Variants in PTP4A1 observed in about 807,000 individuals in gnomAD.
PTP4A1 encodes the protein protein tyrosine phosphatase 4A1, also known as protein tyrosine phosphatase type IVA 1.
In PTP4A1, 9 loss-of-function variants were observed where a neutral mutation model predicts 20.5. The ratio of observed to expected loss-of-function variants is 0.44; its 90% confidence interval spans 0.26 to 0.77. The LOEUF (loss-of-function observed/expected upper bound fraction) is 0.77, where lower values mean the gene tolerates loss of function less well. PTP4A1 is among the 30% of genes least tolerant of loss of function. PTP4A1 has a pLI of 0.19. For synonymous variants in PTP4A1, 78 were observed against 67.4 expected (o/e 1.16, Z -0.77); for missense variants, 137 against 218.8 (o/e 0.63, Z 2.36).
chr6:63,518,255 A>G (rs991753337), upstream of PTP4A1, among the ~76,000 whole-genome samples: 2 of 152,028 alleles, frequency 1.3e-5, no homozygotes, highest in African/African-American at 4.8e-5. Flanking sequence ...CTGCCAGAGC[A>G]CATCTTAGAT....
chr6:63,532,501 C>A (rs1021829979), intron 2 of PTP4A1, among the ~76,000 whole-genome samples: 3 of 152,076 alleles, frequency 2.0e-5, no homozygotes, highest in African/African-American at 4.8e-5. Context: ...GAAGCCTTTT[C>A]TATACCAAGG....
At chr6:63,564,718 T>C (rs1298403788) in intron 3 of PTP4A1, among the ~76,000 whole-genome samples, 1 of 152,238 alleles carries the variant, frequency 6.6e-6, no homozygotes, top group African/African-American at 2.4e-5. Context: ...CAGTTCAGAC[T>C]GTGGCATAAT....
At chr6:63,550,897 AT>A (rs1468652597) in intron 3 of PTP4A1, among the ~76,000 whole-genome samples, 3 of 152,110 alleles carry the variant, frequency 2.0e-5, no homozygotes, top group African/African-American at 7.2e-5. Flanking sequence ...AAGTGTTTGG[AT>A]TACATGGATG....
intron 2 of PTP4A1, among the ~76,000 whole-genome samples, chr6:63,545,623 GAAGA>G (rs1316022278): frequency 6.6e-6 from 1 of 151,704 alleles, no homozygotes; most frequent in Non-Finnish European, 1.5e-5. Context: ...AAAAAAAAAG[GAAGA>G]AAGAAAGAAA....
chr6:63,534,234 T>A (rs370617189), intron 2 of PTP4A1, among the ~76,000 whole-genome samples: 1 of 152,312 alleles, frequency 6.6e-6, no homozygotes, highest in Non-Finnish European at 1.5e-5. Flanking sequence ...AAAAAAGTTT[T>A]ACTTTGGACA....
At chr6:63,534,445 A>C (rs1775613602) in intron 2 of PTP4A1, among the ~76,000 whole-genome samples, 1 of 128,686 alleles carries the variant, frequency 7.8e-6, no homozygotes, top group East Asian at 2.2e-4. Flanking sequence ...CACCACACAC[A>C]CAGAGAAACA....
intron 3 of PTP4A1, among the ~76,000 whole-genome samples, chr6:63,557,438 C>T (rs573327726): frequency 3.6e-4 from 54 of 152,066 alleles, no homozygotes; most frequent in African/African-American, 1.3e-3. Context: ...AGTGTGCGTG[C>T]CTGTAATCCC....
intron 3 of PTP4A1, among the ~76,000 whole-genome samples, chr6:63,561,523 T>C (rs1341617281): frequency 6.6e-6 from 1 of 152,194 alleles, no homozygotes; most frequent in African/African-American, 2.4e-5. Context: ...ATCATCTTCC[T>C]TCTGTTCTCA....
At chr6:63,518,236 A>G (rs1318180445), upstream of PTP4A1, among the ~76,000 whole-genome samples, 1 of 151,964 alleles carries the variant, frequency 6.6e-6, no homozygotes, top group Non-Finnish European at 1.5e-5. Flanking sequence ...CTTTTCCATA[A>G]CTTTATTGCT....
chr6:63,548,789 A>C (rs1239023376), intron 2 of PTP4A1: 7 of 726,898 alleles, frequency 9.6e-6, no homozygotes, highest in South Asian at 1.5e-5. Flanking sequence ...GACCCAGGAC[A>C]TTGCCTCCCC....
intron 3 of PTP4A1, among the ~76,000 whole-genome samples, chr6:63,563,900 A>C (rs1346721732): frequency 6.6e-6 from 1 of 152,238 alleles, no homozygotes; most frequent in Non-Finnish European, 1.5e-5. Flanking sequence ...TTATGTGGGA[A>C]AGTAATATGA....
intron 3 of PTP4A1, among the ~76,000 whole-genome samples, chr6:63,562,806 G>C (rs1210043388): frequency 6.6e-6 from 1 of 152,108 alleles, no homozygotes; most frequent in South Asian, 2.1e-4. Flanking sequence ...CTTTCTCTAA[G>C]CATACTTTGA....
rs1053987001 is a variant in PTP4A1 at position 63,576,683 on chromosome 6, A to G, written c.-198A>G. 3.4e-6 allele frequency: 2 copies of G among 587,678 alleles called. No individual in the cohort carries two copies. Among genetic ancestry groups the G allele is most frequent in the South Asian group, 2.2e-5 (1 of 45,312 alleles). The allele number at this position is 587,678 out of a possible 1,614,324, so 36.4% of individuals were successfully genotyped here. Reference sequence around the variant, plus strand: ...AGTGCACTTCTTTTCTGTTGGCCTCAGTATTACTGGATTGAAGAATTGCTG... The same window carrying G: ...AGTGCACTTCTTTTCTGTTGGCCTCGGTATTACTGGATTGAAGAATTGCTG... On this transcript the variant is annotated 5_prime_UTR_variant, in exon 2 of 6. Coordinates refer to ENST00000626021, the MANE Select transcript of PTP4A1 (RefSeq NM_003463.5).
At chr6:63,572,050 A>G (rs1449589845), upstream of PTP4A1, 2 of 152,300 alleles carry the variant, frequency 1.3e-5, no homozygotes, top group East Asian at 3.8e-4. Context: ...AGCAGGCTCG[A>G]CACTGAGACG....
intron 1 of PTP4A1, among the ~76,000 whole-genome samples, chr6:63,576,162 A>G (rs1005895709): frequency 6.6e-6 from 1 of 151,082 alleles, no homozygotes; most frequent in Non-Finnish European, 1.5e-5. Flanking sequence ...TATGAATTTC[A>G]CAAAAATGTA....
At chr6:63,526,027 C>T in intron 1 of PTP4A1, among the ~76,000 whole-genome samples, 1 of 152,038 alleles carries the variant, frequency 6.6e-6, no homozygotes, top group East Asian at 1.9e-4. Context: ...TATTTTATTG[C>T]CTTAAGAAAT....
At chr6:63,572,354 C>T (rs1167035601), upstream of PTP4A1, 1 of 289,424 alleles carries the variant, frequency 3.5e-6, no homozygotes, top group Non-Finnish European at 6.4e-6. Context: ...CGCGGAGTGA[C>T]GTCCGGAGGG....
At chr6:63,547,938 A>G (rs1776276763) in intron 2 of PTP4A1, among the ~76,000 whole-genome samples, 1 of 152,194 alleles carries the variant, frequency 6.6e-6, no homozygotes, top group Admixed American at 6.5e-5. Flanking sequence ...TAAAACCCTT[A>G]AAGTTCCCCA....
At chr6:63,578,758 T>C in intron 3 of PTP4A1, 140 bp from the exon 4 acceptor site, 1 of 1,121,396 alleles carries the variant, frequency 8.9e-7, no homozygotes, top group Non-Finnish European at 1.2e-6. Context: ...TCACATTTGG[T>C]AGACAACAGG....
Sources: allele counts gnomAD v4.1 joint callset (sites outside exome capture counted in the v4.1 genomes callset), GRCh38; gene constraint gnomAD v4.1.1; transcripts MANE v1.5; gene names NCBI Gene and HGNC (gene_info 2026-07-23, HGNC 2026-07-21).